The following N4BP1 variants were observed in gnomAD, a reference collection of about 807,000 sequenced individuals.
N4BP1 encodes NEDD4 binding protein 1, also known as NEDD4-binding protein 1.
Under a neutral mutation model 70.9 loss-of-function variants are expected in N4BP1, and 21 were observed. That is an observed-to-expected ratio of 0.30 (90% CI 0.21 to 0.43). The LOEUF is 0.43. N4BP1 is among the 20% of genes least tolerant of loss of function. N4BP1 has a pLI of 1.00. For missense variants in N4BP1, 936 were observed against 1,069.4 expected, an observed-to-expected ratio of 0.88 and a Z score of 1.74; for synonymous variants, 387 against 394.6, an observed-to-expected ratio of 0.98 and a Z score of 0.23.
intron 6 of N4BP1, among the ~76,000 whole-genome samples, chr16:48,544,547 T>C (rs1388035126): frequency 6.6e-6 from 1 of 152,224 alleles, no homozygotes; most frequent in African/African-American, 2.4e-5. Context: ...TGGGGTCATA[T>C]GATCTCCCTG....
At chr16:48,609,654 C>A in intron 1 of N4BP1, 121 bp downstream of exon 1, 1 of 883,236 alleles carries the variant, frequency 1.1e-6, no homozygotes, top group Non-Finnish European at 1.5e-6. Context: ...TTCGCTGGCT[C>A]CCGAGACTGC....
intron 1 of N4BP1, among the ~76,000 whole-genome samples, chr16:48,588,536 C>G (rs554144902): frequency 2.6e-5 from 4 of 152,242 alleles, no homozygotes; most frequent in East Asian, 1.9e-4. Context: ...CTCAAGTGAT[C>G]CACCTGCCTC....
intron 2 of N4BP1, 71 bp from the exon 3 acceptor site, chr16:48,553,740 A>G: frequency 1.6e-6 from 2 of 1,270,798 alleles, no homozygotes; most frequent in Non-Finnish European, 2.1e-6. Flanking sequence ...TTCACCATGA[A>G]AAGTTAACAT....
Position 48,610,045 on chromosome 16 carries a change from C to T in N4BP1, c.-73G>A. The T allele has an allele frequency of 2.2e-6, 2 of 914,324 alleles. No individual in the cohort carries two copies. The highest frequency in any genetic ancestry group is 1.8e-5 in the African/African-American group (1 of 56,038). 56.6% of individuals were successfully genotyped at this position (914,324 alleles called of 1,614,324 possible). On this transcript the variant is annotated 5_prime_UTR_variant, in exon 1 of 7. Coordinates refer to ENST00000262384, the MANE Select transcript of N4BP1 (RefSeq NM_153029.4). The stretch of plus-strand genomic sequence containing the variant: ...GCCCCCTCAGCTTGCTGCCGCTGCT[C>T]CCAAGCCAGTCAGGCGGCGTCGGCC...
At chr16:48,601,904 C>T (rs910394288) in intron 1 of N4BP1, among the ~76,000 whole-genome samples, 2 of 152,148 alleles carry the variant, frequency 1.3e-5, no homozygotes, top group Admixed American at 6.5e-5. Flanking sequence ...GCCAAAAAAA[C>T]TCCTTTATGT....
At chr16:48,560,014 A>G (rs1033752702) in intron 2 of N4BP1, among the ~76,000 whole-genome samples, 1 of 152,120 alleles carries the variant, frequency 6.6e-6, no homozygotes, top group Admixed American at 6.5e-5. Flanking sequence ...CAGTTAAGTG[A>G]CCTGCCCCAA....
chr16:48,553,202 T>C (rs1326820136), intron 3 of N4BP1, among the ~76,000 whole-genome samples: 1 of 152,194 alleles, frequency 6.6e-6, no homozygotes, highest in Non-Finnish European at 1.5e-5. Flanking sequence ...GGGGCCAAAT[T>C]TATGAAGTGA....
At chr16:48,554,070 C>G (rs1963714379) in intron 2 of N4BP1, among the ~76,000 whole-genome samples, 1 of 152,016 alleles carries the variant, frequency 6.6e-6, no homozygotes, top group Non-Finnish European at 1.5e-5. Context: ...TATATTTACC[C>G]AGTTTACAGC....
chr16:48,572,455 T>C (rs1964031893), intron 1 of N4BP1, among the ~76,000 whole-genome samples: 1 of 152,090 alleles, frequency 6.6e-6, no homozygotes, highest in African/African-American at 2.4e-5. Context: ...CAGTAATGTA[T>C]CCAAAATTCT....
Position 48,560,918 on chromosome 16 carries a change from A to C in N4BP1, c.1725T>G (p.Thr575=), listed in dbSNP as rs1165218394. Residue 575 remains threonine, a synonymous_variant, in exon 2 of 7, where the codon ACT becomes ACG. Coordinates refer to ENST00000262384, the MANE Select transcript of N4BP1 (RefSeq NM_153029.4). Reference sequence around the variant, plus strand: ...CAGAAGGTCCTGCCGACCTTGCATCAGTAACCGAAGGTAACAGCTGGGGCA... The same window carrying C: ...CAGAAGGTCCTGCCGACCTTGCATCCGTAACCGAAGGTAACAGCTGGGGCA... ...MPLPQLLPSV[T]DARSAGPSDH... is the part of the protein sequence containing the mutation. 6.2e-7 allele frequency: 1 copy of C among 1,614,064 alleles called. No individual in the cohort carries two copies.
rs1399541585 is a variant in N4BP1, at chr16:48,540,800, G to C, written c.*2104C>G. The C allele has an allele frequency of 6.6e-6, 1 of 152,248 alleles. No individual in the cohort carries two copies. The highest frequency in any genetic ancestry group is 1.9e-4 in the East Asian group (1 of 5,198). The allele number at this position is 152,248 out of a possible 1,614,324, so 9.4% of individuals were successfully genotyped here. A position where few individuals can be genotyped will look rare whatever the true frequency, so the allele number is the denominator to read the frequency against. ...AGCAGCCACACTGAGGCTAGTACTG[G>C]AGGAGGCTGAGAACCAGTAATGAGT... On this transcript the variant is annotated 3_prime_UTR_variant, in exon 7 of 7. Coordinates refer to ENST00000262384, the MANE Select transcript of N4BP1 (RefSeq NM_153029.4).
chr16:48,575,778 C>T (rs533150362), intron 1 of N4BP1, among the ~76,000 whole-genome samples: 12 of 152,212 alleles, frequency 7.9e-5, no homozygotes, highest in African/African-American at 1.9e-4. Flanking sequence ...ACAAACAGAG[C>T]GAAAAACAAA....
At chr16:48,578,056 T>A (rs1261726901) in intron 1 of N4BP1, 1 of 156,194 alleles carries the variant, frequency 6.4e-6, no homozygotes, top group East Asian at 1.9e-4. Context: ...GATGCACGTG[T>A]GCTTCTGCAT....
chr16:48,610,013 C>G lies in N4BP1; in HGVS notation c.-41G>C, dbSNP rs1964660778. On this transcript the variant is annotated 5_prime_UTR_variant, in exon 1 of 7. Coordinates refer to ENST00000262384, the MANE Select transcript of N4BP1 (RefSeq NM_153029.4). Reference sequence around the variant, plus strand: ...CCGCGGCGGCGCCGGGGGCCGGCGGCGGCGACGCCCCCTCAGCTTGCTGCC... The same window carrying G: ...CCGCGGCGGCGCCGGGGGCCGGCGGGGGCGACGCCCCCTCAGCTTGCTGCC... The G allele has an allele frequency of 1.9e-6, 2 of 1,075,146 alleles. No individual in the cohort carries two copies. The highest frequency in any genetic ancestry group is 3.4e-5 in the African/African-American group (2 of 59,414). The allele number at this position is 1,075,146 out of a possible 1,614,324, so 66.6% of individuals were successfully genotyped here. A position where few individuals can be genotyped will look rare whatever the true frequency, so the allele number is the denominator to read the frequency against.
At chr16:48,607,761 G>C (rs986101569) in intron 1 of N4BP1, among the ~76,000 whole-genome samples, 1 of 152,218 alleles carries the variant, frequency 6.6e-6, no homozygotes, top group Non-Finnish European at 1.5e-5. Flanking sequence ...ATGGACGAAG[G>C]GGAATGCGCC....
chr16:48,547,839 C>A (rs760210781), intron 5 of N4BP1, among the ~76,000 whole-genome samples, 168 bp downstream of exon 5: 1 of 152,192 alleles, frequency 6.6e-6, no homozygotes, highest in Non-Finnish European at 1.5e-5. Context: ...CCTGGAGGGG[C>A]CAGCCACCTA....
chr16:48,557,391 T>C (rs1458152104), intron 2 of N4BP1, among the ~76,000 whole-genome samples: 2 of 152,176 alleles, frequency 1.3e-5, no homozygotes, highest in Non-Finnish European at 2.9e-5. Flanking sequence ...GGGAAAGACA[T>C]TATGGGCCCA....
At chr16:48,581,377 C>T (rs542453754) in intron 1 of N4BP1, among the ~76,000 whole-genome samples, 6 of 152,118 alleles carry the variant, frequency 3.9e-5, no homozygotes, top group East Asian at 1.9e-4. Context: ...CAAAGAAGCC[C>T]GCTCTTTCAA....
At chr16:48,543,570 T>C (rs1225800721) in intron 6 of N4BP1, among the ~76,000 whole-genome samples, 1 of 152,140 alleles carries the variant, frequency 6.6e-6, no homozygotes, top group Non-Finnish European at 1.5e-5. Context: ...CAGGGTACCC[T>C]TGGGAGCTTT....
Sources: allele counts gnomAD v4.1 joint callset (sites outside exome capture counted in the v4.1 genomes callset), GRCh38; gene constraint gnomAD v4.1.1; transcripts MANE v1.5; gene names NCBI Gene and HGNC (gene_info 2026-07-23, HGNC 2026-07-21).